The following CTNNA3 variants were observed in gnomAD, a reference collection of about 807,000 sequenced individuals.
CTNNA3 encodes the protein catenin alpha 3.
Under a neutral mutation model 95.7 loss-of-function variants are expected in CTNNA3, and 76 were observed. The observed-to-expected ratio is 0.79, with a 90% CI of 0.66 to 0.96. CTNNA3 has a LOEUF of 0.96. CTNNA3 is among the 40% of genes least tolerant of loss of function. CTNNA3 has a pLI of 0.00. For missense variants in CTNNA3, 1,191 were observed against 1,089.8 expected, an observed-to-expected ratio of 1.09 and a Z score of -1.31; for synonymous variants, 431 against 374.4, an observed-to-expected ratio of 1.15 and a Z score of -1.74.
chr10:66,152,123 A>T (rs10996933), intron 13 of CTNNA3, among the ~76,000 whole-genome samples: 26,540 of 151,846 alleles, frequency 0.17, 2,776 homozygotes, highest in South Asian at 0.4. Context: ...TCCTGCTGTA[A>T]AAAGAAGGAA....
rs532160122 is a variant in CTNNA3, at chr10:66,086,094, A to G, written c.1978-16605T>C. The stretch of plus-strand genomic sequence containing the variant: ...CTTCTGAATGTGAATTTGGAGGGGG[A>G]ACATCTGGATTAGAAAGGCCCATAG... On this transcript the variant is annotated intron_variant, in intron 14 of 17. Transcript: ENST00000433211. 2.0e-5 allele frequency among the ~76,000 whole-genome samples: 3 copies of G among 152,214 alleles called. No homozygotes were observed. The East Asian group carries it at 5.8e-4, about 29-fold the overall frequency.
intron 11 of CTNNA3, among the ~76,000 whole-genome samples, chr10:66,489,671 T>G (rs1839856149): frequency 6.6e-6 from 1 of 152,180 alleles, no homozygotes; most frequent in Non-Finnish European, 1.5e-5. Flanking sequence ...CCTTTACTCT[T>G]TCATGAGGCT....
chr10:66,912,808 A>C (rs1351215672), intron 7 of CTNNA3, among the ~76,000 whole-genome samples: 1 of 152,222 alleles, frequency 6.6e-6, no homozygotes, highest in East Asian at 1.9e-4. Flanking sequence ...AAATGAACAC[A>C]CGGGGGAACA....
At chr10:66,277,701 A>G (rs1455598901) in intron 13 of CTNNA3, among the ~76,000 whole-genome samples, 2 of 152,022 alleles carry the variant, frequency 1.3e-5, no homozygotes, top group African/African-American at 4.8e-5. Flanking sequence ...GAGGCTGCTT[A>G]GGGAACTGGG....
intron 7 of CTNNA3, among the ~76,000 whole-genome samples, chr10:66,967,411 C>T (rs763536996): frequency 6.6e-6 from 1 of 151,450 alleles, no homozygotes; most frequent in East Asian, 1.9e-4. Flanking sequence ...TATATACACA[C>T]ATGCATATAT....
Position 66,556,342 on chromosome 10 carries a change from T to G in CTNNA3, c.1375-35569A>C, listed in dbSNP as rs577831865. ...AATTAAAAATAGAACTACCATATGA[T>G]CCGGTAATCCCTCTTTTGGTATATA... On this transcript the variant is annotated intron_variant, in intron 10 of 17. Coordinates refer to ENST00000433211, the MANE Select transcript of CTNNA3 (RefSeq NM_013266.4). 5.1e-4 allele frequency among the ~76,000 whole-genome samples: 78 copies of G among 152,212 alleles called. 1 individual carries two copies. The highest frequency in any genetic ancestry group is 1.9e-3 in the African/African-American group (78 of 41,566).
At chr10:66,292,578 T>G (rs2091702277) in intron 12 of CTNNA3, among the ~76,000 whole-genome samples, 1 of 152,136 alleles carries the variant, frequency 6.6e-6, no homozygotes, top group East Asian at 1.9e-4. Context: ...TGTGCCTCAA[T>G]AGTGCACACA....
intron 12 of CTNNA3, among the ~76,000 whole-genome samples, chr10:66,313,942 A>C (rs902179645): frequency 6.6e-6 from 1 of 152,198 alleles, no homozygotes; most frequent in African/African-American, 2.4e-5. Flanking sequence ...AGGCCCTCAG[A>C]TTTCTTTGCT....
chr10:66,611,305 A>T (rs7070370), intron 10 of CTNNA3, among the ~76,000 whole-genome samples: 1 of 152,134 alleles, frequency 6.6e-6, no homozygotes, highest in African/African-American at 2.4e-5. Flanking sequence ...AACACAAAAA[A>T]GGATAAATAT....
At chr10:67,026,479 A>G (rs1366146572) in intron 7 of CTNNA3, among the ~76,000 whole-genome samples, 3 of 152,120 alleles carry the variant, frequency 2.0e-5, no homozygotes, top group Non-Finnish European at 4.4e-5. Context: ...AAAGAAATAA[A>G]GCAGTGTTAT....
chr10:66,860,773 C>T (rs532824867), intron 7 of CTNNA3, among the ~76,000 whole-genome samples: 21 of 152,290 alleles, frequency 1.4e-4, no homozygotes, highest in Middle Eastern at 6.8e-3. Flanking sequence ...TAGGCACAAT[C>T]TAGGATTGCA....
chr10:66,360,808 C>T (rs796634074), intron 12 of CTNNA3, among the ~76,000 whole-genome samples: 1,740 of 61,650 alleles, frequency 0.028, 151 homozygotes, highest in Non-Finnish European at 0.036. Flanking sequence ...TTCCTTCCTT[C>T]CTTCCTTCCT....
chr10:66,607,443 T>C (rs535497930), intron 10 of CTNNA3, among the ~76,000 whole-genome samples: 2 of 114,730 alleles, frequency 1.7e-5, no homozygotes, highest in Non-Finnish European at 3.2e-5. Flanking sequence ...GCTACCATCA[T>C]CCTGAAACCA....
intron 15 of CTNNA3, among the ~76,000 whole-genome samples, chr10:66,034,789 CA>C (rs373550350): frequency 4.0e-4 from 61 of 152,148 alleles, no homozygotes; most frequent in African/African-American, 1.4e-3. Context: ...AAACAGACAC[CA>C]CCCGTAAGCA....
intron 13 of CTNNA3, among the ~76,000 whole-genome samples, chr10:66,257,522 T>C (rs2090837002): frequency 1.3e-5 from 2 of 152,202 alleles, no homozygotes; most frequent in South Asian, 4.1e-4. Context: ...CACACTTCAC[T>C]AAAAGAGCAA....
intron 14 of CTNNA3, among the ~76,000 whole-genome samples, chr10:66,093,342 G>A (rs1324072831): frequency 6.6e-6 from 1 of 152,010 alleles, no homozygotes; most frequent in Non-Finnish European, 1.5e-5. Flanking sequence ...AAATCCAAAA[G>A]GAGTGAGTAA....
chr10:67,198,626 C>G (rs1863488063), intron 6 of CTNNA3, among the ~76,000 whole-genome samples: 1 of 152,170 alleles, frequency 6.6e-6, no homozygotes, highest in African/African-American at 2.4e-5. Context: ...TTATATCCTT[C>G]TCTTTTTATT....
intron 16 of CTNNA3, among the ~76,000 whole-genome samples, chr10:65,973,608 A>C (rs972250777): frequency 3.9e-5 from 6 of 152,184 alleles, no homozygotes; most frequent in Non-Finnish European, 1.5e-5. Flanking sequence ...AAGAAGTTTA[A>C]TTGGCTCGTG....
At chr10:66,599,661 C>T (rs1006478568) in intron 10 of CTNNA3, among the ~76,000 whole-genome samples, 1 of 151,464 alleles carries the variant, frequency 6.6e-6, no homozygotes, top group Non-Finnish European at 1.5e-5. Context: ...AATGAGTGAC[C>T]TCAAAGTGTC....
Sources: gnomAD v4.1 joint callset for allele counts (sites outside exome capture counted in the v4.1 genomes callset) on GRCh38, gnomAD v4.1.1 for gene constraint, MANE v1.5 for transcripts, NCBI Gene and HGNC (gene_info 2026-07-23, HGNC 2026-07-21) for gene names.